Variants in TMEM163 observed in about 807,000 individuals in gnomAD.
TMEM163 encodes transmembrane protein 163.
Under a neutral mutation model 29.3 loss-of-function variants are expected in TMEM163, and 17 were observed. The observed-to-expected ratio is 0.58, with a 90% CI of 0.40 to 0.87. The LOEUF (loss-of-function observed/expected upper bound fraction) is 0.87. TMEM163 is among the 40% of genes least tolerant of loss of function. The pLI is 0.00. For synonymous variants in TMEM163, 157 were observed against 160.6 expected, an observed-to-expected ratio of 0.98 and a Z score of 0.17; for missense variants, 303 against 381.5, an observed-to-expected ratio of 0.79 and a Z score of 1.71.
At chr2:134,531,505 C>G (rs1403587500) in intron 4 of TMEM163, among the ~76,000 whole-genome samples, 1 of 152,208 alleles carries the variant, frequency 6.6e-6, no homozygotes, top group Non-Finnish European at 1.5e-5. Flanking sequence ...GGTGTTTTAA[C>G]CTGTGCTTCT....
chr2:134,716,534 C>T (rs1685040090), intron 1 of TMEM163, among the ~76,000 whole-genome samples: 1 of 152,126 alleles, frequency 6.6e-6, no homozygotes, highest in Non-Finnish European at 1.5e-5. Flanking sequence ...ATCCGAGGTA[C>T]CCCTCAACCC....
At chr2:134,623,638 G>A (rs1413540251) in intron 2 of TMEM163, among the ~76,000 whole-genome samples, 2 of 152,070 alleles carry the variant, frequency 1.3e-5, no homozygotes, top group Non-Finnish European at 2.9e-5. Flanking sequence ...ATGATGGCAG[G>A]TGCCTATAAT....
chr2:134,650,801 T>C (rs908861022), intron 2 of TMEM163, among the ~76,000 whole-genome samples: 3 of 135,246 alleles, frequency 2.2e-5, no homozygotes, highest in African/African-American at 6.4e-5. Context: ...GTGTTTGGTT[T>C]TTTGTTCTTG....
intron 2 of TMEM163, among the ~76,000 whole-genome samples, chr2:134,697,129 C>CT (rs774913782): frequency 1.3e-5 from 2 of 152,088 alleles, no homozygotes; most frequent in Non-Finnish European, 2.9e-5. Context: ...ACTATAATAT[C>CT]TATAAAGCTC....
chr2:134,687,632 T>C (rs996868881), intron 2 of TMEM163, among the ~76,000 whole-genome samples: 4 of 152,174 alleles, frequency 2.6e-5, no homozygotes, highest in Non-Finnish European at 4.4e-5. Context: ...CAATGCATGA[T>C]TCAGGTAACA....
intron 4 of TMEM163, among the ~76,000 whole-genome samples, chr2:134,545,271 G>C (rs1680754869): frequency 6.6e-6 from 1 of 152,092 alleles, no homozygotes; most frequent in Admixed American, 6.5e-5. Flanking sequence ...CTGTGAGGCT[G>C]GCTCCCTTCT....
In TMEM163 at chr2:134,456,046, CCA is replaced by C. The variant is rs1686379785; in HGVS notation, c.*668_*669del. ...AGTTTCACATCTCTCAAAAATGGAC[CCA>C]GTTTTCACATGGATGTTCAGGTTCT... On this transcript the variant is annotated 3_prime_UTR_variant, in exon 8 of 8. Coordinates refer to ENST00000281924, the MANE Select transcript of TMEM163 (RefSeq NM_030923.5). 2 of 152,420 alleles carry C rather than the reference CCA, an allele frequency of 1.3e-5. No homozygotes were observed. The highest frequency in any genetic ancestry group is 6.6e-5 in the Admixed American group (1 of 15,262). The allele number at this position is 152,420 out of a possible 1,614,324, so 9.4% of individuals were successfully genotyped here.
chr2:134,624,405 A>C (rs910969833), intron 2 of TMEM163, among the ~76,000 whole-genome samples: 1 of 152,204 alleles, frequency 6.6e-6, no homozygotes, highest in African/African-American at 2.4e-5. Context: ...TGGGAGCTAA[A>C]GGATGAGAAC....
intron 5 of TMEM163, among the ~76,000 whole-genome samples, chr2:134,502,002 G>A (rs1002465776): frequency 2.0e-5 from 3 of 152,114 alleles, no homozygotes; most frequent in East Asian, 1.9e-4. Context: ...CTAAATGCAG[G>A]AGAATGTCTC....
intron 5 of TMEM163, chr2:134,467,704 C>T (rs1686701515): frequency 6.6e-6 from 1 of 152,070 alleles, no homozygotes; most frequent in South Asian, 2.1e-4. Flanking sequence ...ACAAAAAGGT[C>T]ATCAGTGGGA....
At chr2:134,516,686 C>CATATATTCATATATATGT (rs1680069034) in intron 4 of TMEM163, among the ~76,000 whole-genome samples, 1 of 134,410 alleles carries the variant, frequency 7.4e-6, no homozygotes, top group African/African-American at 2.7e-5. Context: ...TACATATATG[C>CATATATTCATATATATGT]ATATATATGC....
chr2:134,596,699 T>C, intron 2 of TMEM163, among the ~76,000 whole-genome samples: 1 of 152,190 alleles, frequency 6.6e-6, no homozygotes, highest in East Asian at 1.9e-4. Context: ...TAAATTACCT[T>C]AGGCAGTATG....
chr2:134,709,804 A>G (rs1684888744), intron 2 of TMEM163, among the ~76,000 whole-genome samples: 1 of 152,218 alleles, frequency 6.6e-6, no homozygotes, highest in Non-Finnish European at 1.5e-5. Flanking sequence ...CAGCATTAGC[A>G]TCAACACAGA....
chr2:134,549,900 G>A (rs1355894086), intron 4 of TMEM163, among the ~76,000 whole-genome samples: 3 of 152,072 alleles, frequency 2.0e-5, no homozygotes, highest in Non-Finnish European at 2.9e-5. Context: ...ATCATCCTAC[G>A]AAAGAGGAAT....
intron 4 of TMEM163, among the ~76,000 whole-genome samples, chr2:134,526,229 T>C (rs548670549): frequency 6.6e-6 from 1 of 152,354 alleles, no homozygotes; most frequent in East Asian, 1.9e-4. Context: ...AAGGAGTTTT[T>C]CCTTCTTTTT....
intron 2 of TMEM163, among the ~76,000 whole-genome samples, chr2:134,593,037 G>A (rs1317968018): frequency 6.6e-6 from 1 of 152,140 alleles, no homozygotes; most frequent in Non-Finnish European, 1.5e-5. Flanking sequence ...GGGAATACAA[G>A]ATAAGGCATT....
intron 2 of TMEM163, among the ~76,000 whole-genome samples, chr2:134,709,919 C>G (rs960998411): frequency 1.3e-5 from 2 of 152,238 alleles, no homozygotes; most frequent in African/African-American, 4.8e-5. Flanking sequence ...CCCTTATCAT[C>G]AGAATCCAGA....
intron 2 of TMEM163, among the ~76,000 whole-genome samples, chr2:134,583,603 A>G (rs1304968647): frequency 6.6e-6 from 1 of 152,184 alleles, no homozygotes; most frequent in Non-Finnish European, 1.5e-5. Context: ...ACTGAAGGCA[A>G]TGGAGTTCTC....
At position 134,491,590 on chromosome 2, in the gene TMEM163, C is replaced by T. The variant is rs564106388; in HGVS notation, c.555+11311G>A. On this transcript the variant is annotated intron_variant, in intron 5 of 7. Transcript: ENST00000281924. ...ACCCCTTAAAAGACCTGGTTCCACT[C>T]GCCCTGTGTCTCTGACACTGATATG... Among the ~76,000 whole-genome samples, 10 of 152,238 alleles carry T rather than the reference C, an allele frequency of 6.6e-5. 1 individual carries two copies. The South Asian group carries it at 1.2e-3, about 19-fold the overall frequency.
Sources: gnomAD v4.1 joint callset for allele counts (sites outside exome capture counted in the v4.1 genomes callset) on GRCh38, gnomAD v4.1.1 for gene constraint, MANE v1.5 for transcripts, NCBI Gene and HGNC (gene_info 2026-07-23, HGNC 2026-07-21) for gene names.